The following RNF13 variants were observed in gnomAD, a reference collection of about 807,000 sequenced individuals.
RNF13 encodes the protein ring finger protein 13.
Under a neutral mutation model 37.7 loss-of-function variants are expected in RNF13, and 19 were observed. The ratio of observed to expected loss-of-function variants is 0.50; its 90% confidence interval spans 0.35 to 0.74. The LOEUF is 0.74. Ranked by LOEUF, RNF13 falls within the 30% of genes least tolerant of loss-of-function variation. The pLI is 0.01. For synonymous variants in RNF13, 144 were observed against 157.8 expected (o/e 0.91, Z 0.65); for missense variants, 375 against 453.0 (o/e 0.83, Z 1.56).
chr3:149,942,828 G>A (rs534399068), intron 8 of RNF13, among the ~76,000 whole-genome samples: 1 of 152,098 alleles, frequency 6.6e-6, no homozygotes, highest in African/African-American at 2.4e-5. Flanking sequence ...GATGTTAAAT[G>A]TAGCCATCTC....
At position 149,825,509 on chromosome 3, in the gene RNF13, G is replaced by A. The variant is rs575173092; in HGVS notation, c.-17+12156G>A. Among the ~76,000 whole-genome samples, 430 of 152,266 alleles carry A rather than the reference G, an allele frequency of 2.8e-3. 2 individuals are homozygous for A. The highest frequency in any genetic ancestry group is 9.9e-3 in the African/African-American group (411 of 41,546). ...AGATGTTGTACATTCCAGGCCTGGT[G>A]CCTGCAGCTGTGCCCTGACTGCCTC... is the stretch of plus-strand genomic sequence containing the variant. On this transcript the variant is annotated intron_variant, in intron 1 of 9. Transcript: ENST00000392894.
At position 149,860,270 on chromosome 3, in the gene RNF13, AATATATATATATAT is replaced by A. The variant is rs1186058605; in HGVS notation, c.195+7692_195+7705del. 1.7e-3 allele frequency among the ~76,000 whole-genome samples: 175 copies of A among 104,096 alleles called. 1 individual carries two copies. Among genetic ancestry groups the A allele is most frequent in the Non-Finnish European group, 2.6e-3 (140 of 54,726 alleles). 68.3% of individuals were successfully genotyped at this position (104,096 alleles called of 152,430 possible). A position where few individuals can be genotyped will look rare whatever the true frequency, so the allele number is the denominator to read the frequency against. On this transcript the variant is annotated intron_variant, in intron 3 of 9. Coordinates refer to ENST00000392894, the MANE Select transcript of RNF13 (RefSeq NM_183381.3). Reference sequence around the variant, plus strand: ...GAGACTCCATCTAAAAAAAAAAAAAAATATATATATATATATATATATATATATATAACGTGTAT... The same window carrying A: ...GAGACTCCATCTAAAAAAAAAAAAAAATATATATATATATATAACGTGTAT...
At chr3:149,941,382 T>C (rs1195023371) in intron 8 of RNF13, among the ~76,000 whole-genome samples, 1 of 152,144 alleles carries the variant, frequency 6.6e-6, no homozygotes, top group African/African-American at 2.4e-5. Flanking sequence ...GTGGCCATTC[T>C]AGTGAGTATG....
intron 1 of RNF13, among the ~76,000 whole-genome samples, chr3:149,831,427 C>T (rs1721040185): frequency 6.6e-6 from 1 of 152,186 alleles, no homozygotes; most frequent in African/African-American, 2.4e-5. Flanking sequence ...CAAAGGAGAT[C>T]ATTTTGGAGC....
intron 8 of RNF13, among the ~76,000 whole-genome samples, chr3:149,951,739 A>T (rs996421165): frequency 2.6e-5 from 4 of 152,236 alleles, no homozygotes; most frequent in African/African-American, 9.6e-5. Context: ...GTAGTATGAA[A>T]GCAAACTGTG....
chr3:149,888,557 G>A (rs141450935), intron 4 of RNF13, among the ~76,000 whole-genome samples: 7 of 152,248 alleles, frequency 4.6e-5, no homozygotes, highest in South Asian at 2.1e-4. Context: ...ATTACTCTTC[G>A]TGCAAAACAG....
At chr3:149,837,268 G>A (rs112633398) in intron 1 of RNF13, among the ~76,000 whole-genome samples, 3,161 of 152,214 alleles carry the variant, frequency 0.021, 43 homozygotes, top group Middle Eastern at 0.051. Flanking sequence ...GAAAAGCAGA[G>A]AAATAGTGTA....
At chr3:149,957,965 A>G (rs1216152566) in intron 8 of RNF13, among the ~76,000 whole-genome samples, 1 of 152,196 alleles carries the variant, frequency 6.6e-6, no homozygotes, top group Non-Finnish European at 1.5e-5. Flanking sequence ...TTGGTCCATG[A>G]TCACAAACTG....
chr3:149,898,361 T>C (rs1184571586), intron 5 of RNF13, among the ~76,000 whole-genome samples: 1 of 152,070 alleles, frequency 6.6e-6, no homozygotes, highest in East Asian at 1.9e-4. Context: ...CAGCCTACCC[T>C]GCACTGTTTT....
intron 1 of RNF13, among the ~76,000 whole-genome samples, chr3:149,820,204 GTTTC>G (rs764887448): frequency 2.2e-4 from 33 of 151,966 alleles, no homozygotes; most frequent in African/African-American, 5.8e-4. Flanking sequence ...TTCAGGCTCA[GTTTC>G]TTTCTTTCTT....
At chr3:149,932,262 C>G (rs572645826) in intron 8 of RNF13, among the ~76,000 whole-genome samples, 1 of 152,126 alleles carries the variant, frequency 6.6e-6, no homozygotes, top group Non-Finnish European at 1.5e-5. Flanking sequence ...AACCTCAATA[C>G]TGTTTTCCTT....
At chr3:149,898,938 G>C (rs1031520242) in intron 5 of RNF13, among the ~76,000 whole-genome samples, 1 of 152,184 alleles carries the variant, frequency 6.6e-6, no homozygotes. Flanking sequence ...GCTGAGTCAT[G>C]CAGATTTCTG....
intron 8 of RNF13, among the ~76,000 whole-genome samples, chr3:149,933,382 T>TA (rs1719359997): frequency 6.6e-6 from 1 of 151,980 alleles, no homozygotes; most frequent in Non-Finnish European, 1.5e-5. Flanking sequence ...GCTGCACACT[T>TA]ACAGCCTTAA....
chr3:149,843,496 A>G (rs1438357772), intron 1 of RNF13, among the ~76,000 whole-genome samples: 1 of 152,210 alleles, frequency 6.6e-6, no homozygotes, highest in Non-Finnish European at 1.5e-5. Flanking sequence ...AAACTCCTGA[A>G]CATTATTTAA....
At position 149,945,091 on chromosome 3, in the gene RNF13, G is replaced by C. The variant is rs567136312; in HGVS notation, c.701-14965G>C. Among the ~76,000 whole-genome samples the C allele has an allele frequency of 6.4e-4, 97 of 152,102 alleles. 1 individual carries two copies. Among genetic ancestry groups the C allele is most frequent in the Non-Finnish European group, 1.1e-3 (76 of 67,984 alleles). On this transcript the variant is annotated intron_variant, in intron 8 of 9. Transcript: ENST00000392894. ...AATCCTTTCCTCATTTCTTGTTTTT[G>C]TCAGGTTTGTCAAAGATCAGATGGT...
At chr3:149,824,995 C>T (rs1373346731) in intron 1 of RNF13, among the ~76,000 whole-genome samples, 3 of 150,288 alleles carry the variant, frequency 2.0e-5, no homozygotes, top group East Asian at 2.0e-4. Flanking sequence ...AAAGTCTTTC[C>T]GTGTTGCTCA....
chr3:149,923,916 T>G (rs1021658915), intron 8 of RNF13, among the ~76,000 whole-genome samples: 1 of 152,082 alleles, frequency 6.6e-6, no homozygotes, highest in African/African-American at 2.4e-5. Flanking sequence ...AGTTAACTGT[T>G]AAAAGGATCC....
chr3:149,814,889 C>T (rs555733805), intron 1 of RNF13, among the ~76,000 whole-genome samples: 1 of 150,478 alleles, frequency 6.6e-6, no homozygotes, highest in Admixed American at 6.6e-5. Flanking sequence ...TGGAGAGAGG[C>T]ACAGTTATTT....
chr3:149,880,052 G>C (rs996663170), intron 4 of RNF13, among the ~76,000 whole-genome samples: 1 of 152,186 alleles, frequency 6.6e-6, no homozygotes, highest in Non-Finnish European at 1.5e-5. Context: ...CAGTAATGGA[G>C]GAGTATACTC....
Sources: allele counts gnomAD v4.1 joint callset (sites outside exome capture counted in the v4.1 genomes callset), GRCh38; gene constraint gnomAD v4.1.1; transcripts MANE v1.5; gene names NCBI Gene and HGNC (gene_info 2026-07-23, HGNC 2026-07-21).